WDR20: variants seen among roughly 807,000 people sequenced by gnomAD.
WDR20 encodes WD repeat domain 20, also known as WD repeat-containing protein 20.
WDR20 carries 3 observed loss-of-function variants against 38.7 expected under a neutral mutation model. That is an observed-to-expected ratio of 0.08 (90% confidence interval 0.04 to 0.20). The LOEUF (loss-of-function observed/expected upper bound fraction) is 0.20. Among genes scored for constraint, WDR20 ranks in the 10% least tolerant of loss-of-function variants. The probability of loss-of-function intolerance (pLI) is 1.00; values close to 1 mark genes in which losing one functional copy is unlikely to be tolerated. For missense variants in WDR20, 559 were observed against 727.7 expected (o/e 0.77, Z 2.67); for synonymous variants, 298 against 285.6 (o/e 1.04, Z -0.44).
chr14:102,160,788 A>T (rs185329443), intron 1 of WDR20, among the ~76,000 whole-genome samples: 264 of 147,270 alleles, frequency 1.8e-3, no homozygotes, highest in Middle Eastern at 3.4e-3. Context: ...TAAATATATA[A>T]AAAAAAAAAA....
At chr14:102,195,192 C>T in intron 2 of WDR20, 72 bp downstream of exon 2, 5 of 1,533,752 alleles carry the variant, frequency 3.3e-6, no homozygotes, top group African/African-American at 2.8e-5. Flanking sequence ...GGGTAGTCGG[C>T]CTTATTTTGC....
chr14:102,219,820 C>T (rs968575047), downstream of WDR20, among the ~76,000 whole-genome samples: 1 of 152,210 alleles, frequency 6.6e-6, no homozygotes, highest in African/African-American at 2.4e-5. Flanking sequence ...CCCCCAGTTC[C>T]GTTATGCCAG....
At chr14:102,142,968 T>A (rs1054355738) in intron 1 of WDR20, among the ~76,000 whole-genome samples, 1 of 151,828 alleles carries the variant, frequency 6.6e-6, no homozygotes, top group African/African-American at 2.4e-5. Flanking sequence ...AAACATGGGG[T>A]CCTGGGGAAA....
chr14:102,218,903 C>T (rs1398539946), downstream of WDR20, among the ~76,000 whole-genome samples: 2 of 152,328 alleles, frequency 1.3e-5, no homozygotes, highest in African/African-American at 4.8e-5. Context: ...ACAGGTGAAG[C>T]GTGGGCGGGC....
Position 102,163,627 on chromosome 14 carries a change from C to CAAA in WDR20, c.249+23476_249+23478dup, listed in dbSNP as rs58628061. On this transcript the variant is annotated intron_variant, in intron 1 of 2. Transcript: ENST00000342702. Reference sequence around the variant, plus strand: ...TGGGTGACAGAGCAAGACTCTGTCTCAAAAAAAAAAAAAAAAAAAAAAATT... The same window carrying CAAA: ...TGGGTGACAGAGCAAGACTCTGTCTCAAAAAAAAAAAAAAAAAAAAAAAAAATT... 1.5e-3 allele frequency among the ~76,000 whole-genome samples: 92 copies of CAAA among 62,818 alleles called. 26 individuals are homozygous for CAAA. The highest frequency in any genetic ancestry group is 0.034 in the Middle Eastern group (2 of 58). The allele number at this position is 62,818 out of a possible 152,430, so 41.2% of individuals were successfully genotyped here.
Position 102,220,788 on chromosome 14 carries a change from T to C in WDR20, c.1693-2042T>C, listed in dbSNP as rs989577704. On this transcript the variant is annotated intron_variant, in intron 3 of 3. Transcript: ENST00000335263. This position sits in a 1 kb window ranked among gnomAD's most constrained non-coding sequence, Gnocchi z 4.2. Reference sequence around the variant, plus strand: ...GTTTTTATTATCTATCTTTTCATTTTTTGAGACAGGGTCTTGCTCTATCCC... The same window carrying C: ...GTTTTTATTATCTATCTTTTCATTTCTTGAGACAGGGTCTTGCTCTATCCC... Among the ~76,000 whole-genome samples the C allele has an allele frequency of 1.3e-5, 2 of 152,196 alleles. No individual in the cohort carries two copies. Among genetic ancestry groups the C allele is most frequent in the Non-Finnish European group, 2.9e-5 (2 of 68,020 alleles).
At chr14:102,199,282 C>T (rs2059917079) in intron 2 of WDR20, among the ~76,000 whole-genome samples, 1 of 151,620 alleles carries the variant, frequency 6.6e-6, no homozygotes, top group Non-Finnish European at 1.5e-5. Context: ...TGTGATGAGG[C>T]TCAGATGAGT....
intron 1 of WDR20, among the ~76,000 whole-genome samples, chr14:102,192,329 A>G (rs938874758): frequency 1.7e-4 from 26 of 151,832 alleles, no homozygotes; most frequent in Non-Finnish European, 3.1e-4. Flanking sequence ...ACAGGTGCCC[A>G]CCACCACGCC....
downstream of WDR20, among the ~76,000 whole-genome samples, chr14:102,219,414 T>C (rs1025940845): frequency 3.9e-5 from 6 of 152,220 alleles, no homozygotes; most frequent in African/African-American, 1.4e-4. Flanking sequence ...TCGCACCCCC[T>C]GCTTCTGGGC....
chr14:102,174,489 G>T (rs1458226055), intron 1 of WDR20, among the ~76,000 whole-genome samples: 1 of 152,016 alleles, frequency 6.6e-6, no homozygotes, highest in Non-Finnish European at 1.5e-5. Flanking sequence ...GCACAATCTC[G>T]GCTCACTGCA....
At chr14:102,177,987 A>G (rs1389764504) in intron 1 of WDR20, among the ~76,000 whole-genome samples, 2 of 152,204 alleles carry the variant, frequency 1.3e-5, no homozygotes, top group African/African-American at 4.8e-5. Context: ...TCTTGGGGTC[A>G]TGGTTTCACC....
chr14:102,152,438 CAG>C (rs768399657), intron 1 of WDR20, among the ~76,000 whole-genome samples: 13 of 143,708 alleles, frequency 9.0e-5, no homozygotes, highest in African/African-American at 2.8e-4. Flanking sequence ...TTTTTTGAGA[CAG>C]AGTCTTGCTC....
intron 1 of WDR20, among the ~76,000 whole-genome samples, chr14:102,168,301 AT>A (rs1245180391): frequency 6.6e-5 from 10 of 152,090 alleles, no homozygotes; most frequent in Non-Finnish European, 1.0e-4. Context: ...AAAAGGAAAA[AT>A]TTTTCCCCCC....
At chr14:102,143,392 A>G (rs1714828135) in intron 1 of WDR20, among the ~76,000 whole-genome samples, 1 of 147,682 alleles carries the variant, frequency 6.8e-6, no homozygotes, top group South Asian at 2.2e-4. Flanking sequence ...TAAAGACAGT[A>G]TTAACATTGA....
At chr14:102,147,165 C>T (rs534587147) in intron 1 of WDR20, among the ~76,000 whole-genome samples, 2 of 152,068 alleles carry the variant, frequency 1.3e-5, no homozygotes, top group Non-Finnish European at 2.9e-5. Context: ...GAGGCTGAGG[C>T]GGGTGGATCA....
chr14:102,149,104 G>GT (rs2054799522), intron 1 of WDR20, among the ~76,000 whole-genome samples: 1 of 152,160 alleles, frequency 6.6e-6, no homozygotes, highest in South Asian at 2.1e-4. Flanking sequence ...GGCGCTTGCA[G>GT]TGAGCTGAGA....
intron 2 of WDR20, among the ~76,000 whole-genome samples, chr14:102,206,737 C>A (rs2061604270): frequency 6.6e-6 from 1 of 152,188 alleles, no homozygotes; most frequent in East Asian, 1.9e-4. Flanking sequence ...CCTGGGCGAT[C>A]AGGTACAGTT....
intron 1 of WDR20, among the ~76,000 whole-genome samples, chr14:102,144,237 C>G (rs768459217): frequency 6.6e-6 from 1 of 152,078 alleles, no homozygotes; most frequent in African/African-American, 2.4e-5. Flanking sequence ...AATCTCAGCG[C>G]TTTGGGAGGC....
At chr14:102,206,384 T>C (rs539107495) in intron 2 of WDR20, among the ~76,000 whole-genome samples, 31 of 152,238 alleles carry the variant, frequency 2.0e-4, no homozygotes, top group Non-Finnish European at 3.2e-4. Context: ...TGTTCATACC[T>C]CACTATTGCA....
Sources: allele counts gnomAD v4.1 joint callset (sites outside exome capture counted in the v4.1 genomes callset), GRCh38; gene constraint gnomAD v4.1.1; non-coding constraint Gnocchi (gnomAD v3.1); transcripts MANE v1.5; gene names NCBI Gene and HGNC (gene_info 2026-07-23, HGNC 2026-07-21).